Variants in CCDC27 observed in about 807,000 individuals in gnomAD.
CCDC27 encodes coiled-coil domain-containing protein 27.
In CCDC27, 80 loss-of-function variants were observed where a neutral mutation model predicts 80.3. That is an observed-to-expected ratio of 1.00 (90% confidence interval 0.83 to 1.20). The LOEUF (loss-of-function observed/expected upper bound fraction) is 1.20, where lower values mean the gene tolerates loss of function less well. Ranked by LOEUF, CCDC27 falls within the 50% of genes most tolerant of loss-of-function variation. The pLI is 0.00. For missense variants in CCDC27, 815 were observed against 809.4 expected (o/e 1.01, Z -0.08); for synonymous variants, 342 against 334.3 (o/e 1.02, Z -0.25).
At chr1:3,770,303 C>T (rs533894243) in intron 11 of CCDC27, among the ~76,000 whole-genome samples, 52 of 152,174 alleles carry the variant, frequency 3.4e-4, no homozygotes, top group Non-Finnish European at 6.3e-4. Flanking sequence ...CAGACCCCTC[C>T]CACCCCGGCC....
chr1:3,755,431 C>G (rs778700275), intron 2 of CCDC27, 26 bp from the exon 3 acceptor site: 1 of 1,588,680 alleles, frequency 6.3e-7, no homozygotes, highest in African/African-American at 1.3e-5. Context: ...CAGCAGTCAC[C>G]AGATGGCATC....
rs539511051 is a variant in CCDC27 at position 3,756,513 on chromosome 1, C to A, written c.554-220C>A. The A allele has an allele frequency of 8.1e-5, 39 of 479,974 alleles. No homozygotes were observed. The Admixed American group carries it at 1.1e-3, about 14-fold the overall frequency. 29.7% of individuals were successfully genotyped at this position (479,974 alleles called of 1,614,324 possible). A position where few individuals can be genotyped will look rare whatever the true frequency, so the allele number is the denominator to read the frequency against. ...CGCACCTTCCTGCACTCCCTCAGCA[C>A]GCGCTGTGCTGGGTGTGGGCGCCCC... On this transcript the variant is annotated intron_variant, in intron 3 of 11. Transcript: ENST00000294600.
chr1:3,763,870 T>C lies in CCDC27; in HGVS notation c.1452+34T>C, dbSNP rs1374540649. 2 of 1,608,128 alleles carry C rather than the reference T, an allele frequency of 1.2e-6. No individual in the cohort carries two copies. The highest frequency in any genetic ancestry group is 2.2e-5 in the South Asian group (2 of 90,738). Reference sequence around the variant, plus strand: ...GCGCTCAGTACCGGCCTCCGCTCCATGAGCATGGGCCCCAGGCTTCATTAA... The same window carrying C: ...GCGCTCAGTACCGGCCTCCGCTCCACGAGCATGGGCCCCAGGCTTCATTAA... On this transcript the variant is annotated intron_variant, in intron 8 of 11. Transcript: ENST00000294600. The surrounding 1 kb of genome is among the most constrained non-coding windows in gnomAD (Gnocchi z 7.5).
In CCDC27 at chr1:3,771,382, G is replaced by A. The variant is rs1484980679; in HGVS notation, c.1849-19G>A. 2 of 1,613,682 alleles carry A rather than the reference G, an allele frequency of 1.2e-6. No individual in the cohort carries two copies. The highest frequency in any genetic ancestry group is 1.3e-5 in the African/African-American group (1 of 75,046). On this transcript the variant is annotated intron_variant, in intron 11 of 11. Coordinates refer to ENST00000294600, the MANE Select transcript of CCDC27 (RefSeq NM_152492.3). ...GAGGAACTGGGAAGGCCACCTCGACGGCTGTGTTTCTTGTGTAGAGAATTA... is the reference window on the plus strand; with the variant it reads ...GAGGAACTGGGAAGGCCACCTCGACAGCTGTGTTTCTTGTGTAGAGAATTA...
chr1:3,759,782 G>T (rs1319494742), intron 4 of CCDC27, among the ~76,000 whole-genome samples: 4 of 152,218 alleles, frequency 2.6e-5, no homozygotes, highest in East Asian at 3.8e-4. Context: ...TGCTTCAAGA[G>T]TGTTCCTACC....
rs368645329 is a variant in CCDC27 at position 3,766,702 on chromosome 1, G to A, written c.1530+90G>A. On this transcript the variant is annotated intron_variant, in intron 9 of 11. Transcript: ENST00000294600. This position sits in a 1 kb window ranked among gnomAD's most constrained non-coding sequence, Gnocchi z 6.1. ...GCAAAGGGCAAGACGGGGCTGGAGC[G>A]TCTTCACAGCTGAGCCAGGACCCCT... 59 of 1,065,056 alleles carry A rather than the reference G, an allele frequency of 5.5e-5. No individual in the cohort carries two copies. The highest frequency in any genetic ancestry group is 2.6e-4 in the South Asian group (19 of 74,194). 66.0% of individuals were successfully genotyped at this position (1,065,056 alleles called of 1,614,324 possible). A position where few individuals can be genotyped will look rare whatever the true frequency, so the allele number is the denominator to read the frequency against.
In CCDC27 at chr1:3,752,615, TG is replaced by T. The variant is rs1450030509; in HGVS notation, c.135del (p.Met45IlefsTer165). 6.2e-7 allele frequency: 1 copy of T among 1,614,190 alleles called. No individual in the cohort carries two copies. The highest frequency in any genetic ancestry group is 1.7e-5 in the Admixed American group (1 of 60,034). On this transcript the variant is annotated frameshift_variant, in exon 1 of 12. Coordinates refer to ENST00000294600, the MANE Select transcript of CCDC27 (RefSeq NM_152492.3). LOFTEE classifies it high-confidence loss of function. The stretch of plus-strand genomic sequence containing the variant: ...CTTGGTCTTTGCATCCCACGCCTCA[TG>T]TTACCTAAGGAGGCCAGCCCATCTC... ...SSLGLCIPRL[M>X]LPKEASPSQR...
rs754801653 is a variant in CCDC27 at position 3,763,700 on chromosome 1, G to A, written c.1322-6G>A. 13 of 1,613,928 alleles carry A rather than the reference G, an allele frequency of 8.1e-6. No homozygotes were observed. The highest frequency in any genetic ancestry group is 5.3e-5 in the African/African-American group (4 of 74,904). On this transcript the variant is annotated splice_region_variant and splice_polypyrimidine_tract_variant and intron_variant, in intron 7 of 11. Coordinates refer to ENST00000294600, the MANE Select transcript of CCDC27 (RefSeq NM_152492.3). This position sits in a 1 kb window ranked among gnomAD's most constrained non-coding sequence, Gnocchi z 7.5. ...TCCTGCTCACCGCCTCTGCCTCTGTGCCCAGGAGTGATTGCGTCTTTACAA... is the reference window on the plus strand; with the variant it reads ...TCCTGCTCACCGCCTCTGCCTCTGTACCCAGGAGTGATTGCGTCTTTACAA...
Position 3,755,561 on chromosome 1 carries a change from G to C in CCDC27, c.547G>C (p.Val183Leu), listed in dbSNP as rs200546551. 5.0e-6 allele frequency: 8 copies of C among 1,613,388 alleles called. No homozygotes were observed. Among genetic ancestry groups the C allele is most frequent in the Non-Finnish European group, 5.9e-6 (7 of 1,179,638 alleles). ...FLARRGSDTN[V>L]DGYLLPFSKS... ...GGCCAGGCGGGGCTCAGACACGAAC[G>C]TGGACGGTGAGGGAGCCCCTAGGGC... Residue 183 changes from valine (V) to leucine (L), a missense_variant, in exon 3 of 12, where the codon GTG (valine) becomes CTG (leucine). Physicochemically the swap from Val to Leu is conservative, Grantham distance 32. Transcript: ENST00000294600.
At position 3,768,387 on chromosome 1, in the gene CCDC27, G is replaced by T. The variant is rs765107546; in HGVS notation, c.1743+942G>T. Among the ~76,000 whole-genome samples the T allele has an allele frequency of 2.6e-5, 4 of 152,144 alleles. No homozygotes were observed. Among genetic ancestry groups the T allele is most frequent in the African/African-American group, 9.7e-5 (4 of 41,416 alleles). Reference sequence around the variant, plus strand: ...GTTGGGAATACAGGTGTGAGCTACCGTGCCTGGCCCTGACCTTGATTTAGA... The same window carrying T: ...GTTGGGAATACAGGTGTGAGCTACCTTGCCTGGCCCTGACCTTGATTTAGA... On this transcript the variant is annotated intron_variant, in intron 10 of 11. Coordinates refer to ENST00000294600, the MANE Select transcript of CCDC27 (RefSeq NM_152492.3). The surrounding 1 kb of genome is among the most constrained non-coding windows in gnomAD (Gnocchi z 5.6).
chr1:3,761,535 C>G lies in CCDC27; in HGVS notation c.861+105C>G. On this transcript the variant is annotated intron_variant, in intron 5 of 11. Coordinates refer to ENST00000294600, the MANE Select transcript of CCDC27 (RefSeq NM_152492.3). The surrounding 1 kb of genome is among the most constrained non-coding windows in gnomAD (Gnocchi z 5.0). ...AGGCCCCTGGCAAACCCCCAGGCCC[C>G]CTGGATCCTATCAGGTCCTCACTGG... The G allele has an allele frequency of 2.2e-6, 3 of 1,359,174 alleles. No individual in the cohort carries two copies. The highest frequency in any genetic ancestry group is 3.0e-6 in the Non-Finnish European group (3 of 1,000,830). 84.2% of individuals were successfully genotyped at this position (1,359,174 alleles called of 1,614,324 possible). A position where few individuals can be genotyped will look rare whatever the true frequency, so the allele number is the denominator to read the frequency against.
chr1:3,763,485 G>A lies in CCDC27; in HGVS notation c.1321+11G>A, dbSNP rs574616876. On this transcript the variant is annotated intron_variant, in intron 7 of 11. Transcript: ENST00000294600. This position sits in a 1 kb window ranked among gnomAD's most constrained non-coding sequence, Gnocchi z 7.5. ...ACTCCCTTGCAACAGGTAGGGCCTC[G>A]GCGGGGGGCACTGGGCTTTGGCCAC... 1.1e-5 allele frequency: 18 copies of A among 1,579,896 alleles called. No homozygotes were observed. The highest frequency in any genetic ancestry group is 6.7e-5 in the East Asian group (3 of 44,592).
At chr1:3,767,489 C>T (rs201796643) in intron 10 of CCDC27, 44 bp downstream of exon 10, 280 of 1,534,618 alleles carry the variant, frequency 1.8e-4, no homozygotes, top group Middle Eastern at 2.3e-4. Context: ...CAGCAGCTGG[C>T]GGCCGAGCAC....
In CCDC27 at chr1:3,769,891, T is replaced by C. The variant is rs1191024861; in HGVS notation, c.1848+4T>C. 1 of 1,608,650 alleles carries C rather than the reference T, an allele frequency of 6.2e-7. No homozygotes were observed. The highest frequency in any genetic ancestry group is 2.2e-5 in the East Asian group (1 of 44,858). On this transcript the variant is annotated splice_donor_region_variant and intron_variant, in intron 11 of 11. Coordinates refer to ENST00000294600, the MANE Select transcript of CCDC27 (RefSeq NM_152492.3). The surrounding 1 kb of genome is among the most constrained non-coding windows in gnomAD (Gnocchi z 4.6). ...TGACATCCTGGAAGCCCTGCAGGTA[T>C]ACCCCTAAGCTCAGCTGCCTCTATC...
At chr1:3,767,549 C>T in intron 10 of CCDC27, 104 bp downstream of exon 10, 1 of 959,124 alleles carries the variant, frequency 1.0e-6, no homozygotes, top group Non-Finnish European at 1.6e-6. Flanking sequence ...TCTGTGTACG[C>T]TGGGGCTCGG....
intron 2 of CCDC27, 27 bp downstream of exon 2, chr1:3,754,268 G>C: frequency 6.4e-7 from 1 of 1,553,272 alleles, no homozygotes; most frequent in Non-Finnish European, 8.7e-7. Flanking sequence ...AGGACCGCCT[G>C]TGAAACTGCC....
chr1:3,752,878 G>A (rs1001547082), intron 1 of CCDC27, 79 bp downstream of exon 1: 26 of 1,457,608 alleles, frequency 1.8e-5, no homozygotes, highest in Admixed American at 8.5e-5. Context: ...CCATAGAGCT[G>A]TCAGCCCACA....
At position 3,763,832 on chromosome 1, in the gene CCDC27, A is replaced by G. The variant is rs546390634; in HGVS notation, c.1448A>G (p.Asp483Gly). 1 of 1,613,996 alleles carries G rather than the reference A, an allele frequency of 6.2e-7. No homozygotes were observed. The highest frequency in any genetic ancestry group is 1.3e-5 in the African/African-American group (1 of 75,058). The change falls in exon 8 of 12, where the codon GAC (aspartate) becomes GGC (glycine). Residue 483 changes from aspartate (D) to glycine (G), a missense_variant. Coordinates refer to ENST00000294600, the MANE Select transcript of CCDC27 (RefSeq NM_152492.3). The surrounding 1 kb of genome is among the most constrained non-coding windows in gnomAD (Gnocchi z 7.5). ...AGGCAGCAGCTACAAGCCATGACCG[A>G]CAAGGTGGCCGTGCGCTCAGTACCG... ...ERRQQLQAMT[D>G]KFSNLREDKK...
At position 3,763,813 on chromosome 1, in the gene CCDC27, C is replaced by T. The variant is rs138413252; in HGVS notation, c.1429C>T (p.Gln477Ter). 1.2e-6 allele frequency: 2 copies of T among 1,613,000 alleles called. No individual in the cohort carries two copies. The highest frequency in any genetic ancestry group is 2.2e-5 in the East Asian group (1 of 44,884). The change falls in exon 8 of 12, where the codon CAG becomes TAG. Residue 477 changes from glutamine to a stop codon, truncating the protein, a stop_gained. Transcript: ENST00000294600. LOFTEE classifies it high-confidence loss of function. This position sits in a 1 kb window ranked among gnomAD's most constrained non-coding sequence, Gnocchi z 7.5. ...GAAGGAGCTCCGAGAGCGGAGGCAG[C>T]AGCTACAAGCCATGACCGACAAGGT... is the stretch of plus-strand genomic sequence containing the variant. ...LQKELRERRQ[Q>*]LQAMTDKFSN...
Sources: gnomAD v4.1 joint callset for allele counts (sites outside exome capture counted in the v4.1 genomes callset) on GRCh38, gnomAD v4.1.1 for gene constraint, Gnocchi (gnomAD v3.1) non-coding constraint, MANE v1.5 for transcripts, NCBI Gene and HGNC (gene_info 2026-07-23, HGNC 2026-07-21) for gene names.